TRIM31: variants seen among roughly 807,000 people sequenced by gnomAD.
TRIM31 encodes E3 ubiquitin-protein ligase TRIM31.
TRIM31 carries 31 observed loss-of-function variants against 40.6 expected under a neutral mutation model. That is an observed-to-expected ratio of 0.76 (90% CI 0.57 to 1.03). The LOEUF is 1.03. TRIM31 is among the 50% of genes least tolerant of loss of function. The pLI is 0.00. For missense variants in TRIM31, 455 were observed against 497.5 expected (o/e 0.91, Z 0.81); for synonymous variants, 164 against 193.9 (o/e 0.85, Z 1.28).
In TRIM31 at chr6:30,108,118, T is replaced by G; in HGVS notation, c.818A>C (p.Glu273Ala). The G allele has an allele frequency of 6.2e-7, 1 of 1,612,260 alleles. No homozygotes were observed. Among genetic ancestry groups the G allele is most frequent in the Non-Finnish European group, 8.5e-7 (1 of 1,179,294 alleles). The change falls in exon 6 of 9, where the codon GAG becomes GCG. Residue 273 changes from glutamate (E) to alanine (A), a missense_variant. Physicochemically the swap from Glu to Ala is moderately radical, Grantham distance 107. Transcript: ENST00000376734. ...LNPTPVPLELEKKLSEAKSRH... is the reference protein window; with the variant it reads ...LNPTPVPLELAKKLSEAKSRH... Reference sequence around the variant, plus strand: ...TGATTTTGCTTCACTGAGTTTTTTCTCCAGTTCCAGAGGAACAGGGGTTGG... The same window carrying G: ...TGATTTTGCTTCACTGAGTTTTTTCGCCAGTTCCAGAGGAACAGGGGTTGG...
At chr6:30,112,353 T>C in intron 2 of TRIM31, 36 bp downstream of exon 2, 1 of 1,577,366 alleles carries the variant, frequency 6.3e-7, no homozygotes, top group South Asian at 1.2e-5. Flanking sequence ...ACTCCTGGGC[T>C]GATGGGGGAA....
intron 7 of TRIM31, 74 bp downstream of exon 7, chr6:30,105,094 A>G: frequency 5.2e-6 from 7 of 1,346,780 alleles, no homozygotes; most frequent in East Asian, 2.3e-5. Context: ...TCATGTAATC[A>G]TAGAGACACA....
intron 2 of TRIM31, chr6:30,112,142 T>G (rs1280351479): frequency 1.7e-6 from 1 of 572,384 alleles, no homozygotes; most frequent in African/African-American, 1.9e-5. Context: ...AAGACTGGGC[T>G]TGAGCCCAAA....
In TRIM31 at chr6:30,112,547, G is replaced by T; in HGVS notation, c.259C>A (p.Gln87Lys). The T allele has an allele frequency of 1.2e-6, 2 of 1,613,118 alleles. No individual in the cohort carries two copies. Among genetic ancestry groups the T allele is most frequent in the Non-Finnish European group, 1.7e-6 (2 of 1,180,054 alleles). Residue 87 changes from glutamine to lysine, a missense_variant, in exon 2 of 9, where the codon CAG becomes AAG. Transcript: ENST00000376734. ...KIQALQASEV[Q>K]SKRKEATCPR... is the part of the protein sequence containing the mutation. Reference sequence around the variant, plus strand: ...CATGTAGCCTCTTTCCTTTTGGACTGCACCTCAGAGGCTTGTAGAGCTTGG... The same window carrying T: ...CATGTAGCCTCTTTCCTTTTGGACTTCACCTCAGAGGCTTGTAGAGCTTGG...
Position 30,111,705 on chromosome 6 carries a change from C to T in TRIM31, c.456G>A (p.Lys152=), listed in dbSNP as rs759244387. ...CCTTCACTTGTACTGTCTCCTTCTC[C>T]TTTTGCTGCAAGACTTGGATCTGCT... The part of the protein sequence containing the change: ...IQEQIQVLQQ[K]EKETVQVKAQ... The change falls in exon 3 of 9, where the codon AAG becomes AAA. Residue 152 remains lysine, a synonymous_variant. Transcript: ENST00000376734. 6.2e-7 allele frequency: 1 copy of T among 1,614,200 alleles called. No homozygotes were observed. The highest frequency in any genetic ancestry group is 2.2e-5 in the East Asian group (1 of 44,878).
chr6:30,109,623 G>A (rs1769091731), intron 4 of TRIM31, among the ~76,000 whole-genome samples: 1 of 152,164 alleles, frequency 6.6e-6, no homozygotes, highest in Non-Finnish European at 1.5e-5. Flanking sequence ...GTTCACGCCT[G>A]TAATCCCAGC....
rs754609841 is a variant in TRIM31, at chr6:30,112,617, G to A, written c.189C>T (p.Asn63=). 42 of 1,612,970 alleles carry A rather than the reference G, an allele frequency of 2.6e-5. No homozygotes were observed. Among genetic ancestry groups the A allele is most frequent in the Admixed American group, 2.2e-4 (13 of 60,010 alleles). The change falls in exon 2 of 9, where the codon AAC becomes AAT. Residue 63 remains asparagine, a synonymous_variant. Transcript: ENST00000376734. ...GCAACAGCGAGTTGAACCTGATTGCGTTCTTCCTTACGGAAGTTTTGCAGA... is the reference window on the plus strand; with the variant it reads ...GCAACAGCGAGTTGAACCTGATTGCATTCTTCCTTACGGAAGTTTTGCAGA... ...CPLCKTSVRK[N]AIRFNSLLRN... is the part of the protein sequence containing the mutation.
intron 6 of TRIM31, among the ~76,000 whole-genome samples, chr6:30,106,757 T>C (rs993885263): frequency 6.6e-6 from 1 of 152,158 alleles, no homozygotes; most frequent in African/African-American, 2.4e-5. Flanking sequence ...GGCTCCTTTA[T>C]TGAAATTCCA....
chr6:30,112,941 T>C (rs552037161), intron 1 of TRIM31, 53 bp from the exon 2 acceptor site: 61 of 745,876 alleles, frequency 8.2e-5, no homozygotes, highest in Middle Eastern at 6.3e-4. Flanking sequence ...TTCTGCCAAT[T>C]AGTTAGAAGA....
intron 2 of TRIM31, 89 bp from the exon 3 acceptor site, chr6:30,111,832 C>A (rs1769362734): frequency 8.2e-7 from 1 of 1,219,552 alleles, no homozygotes; most frequent in Non-Finnish European, 1.2e-6. Flanking sequence ...GCTGGTGACA[C>A]TCTCCAGGTG....
chr6:30,107,362 G>T (rs977426438), intron 6 of TRIM31, among the ~76,000 whole-genome samples: 2 of 147,584 alleles, frequency 1.4e-5, no homozygotes, highest in Admixed American at 6.9e-5. Context: ...TGTATGGGGG[G>T]CTGGGGGTTG....
At chr6:30,103,812 A>AT in intron 8 of TRIM31, 23 bp from the exon 9 acceptor site, 6 of 1,611,854 alleles carry the variant, frequency 3.7e-6, no homozygotes, top group Non-Finnish European at 5.1e-6. Context: ...AGGAAAGGAG[A>AT]AAAGAGGTCA....
chr6:30,109,202 A>G (rs752226954), intron 4 of TRIM31, among the ~76,000 whole-genome samples, 154 bp from the exon 5 acceptor site: 15 of 152,120 alleles, frequency 9.9e-5, no homozygotes, highest in Non-Finnish European at 1.5e-4. Context: ...TCTCCCCACC[A>G]CGAAGGGCTT....
chr6:30,112,864 C>G lies in TRIM31; in HGVS notation c.-59G>C. 4.0e-6 allele frequency: 6 copies of G among 1,511,166 alleles called. No individual in the cohort carries two copies. In the South Asian group the frequency reaches 7.9e-5, roughly 20 times the overall value. 93.6% of individuals were successfully genotyped at this position (1,511,166 alleles called of 1,614,324 possible). A position where few individuals can be genotyped will look rare whatever the true frequency, so the allele number is the denominator to read the frequency against. On this transcript the variant is annotated 5_prime_UTR_variant, in exon 2 of 9. Coordinates refer to ENST00000376734, the MANE Select transcript of TRIM31 (RefSeq NM_007028.5). Reference sequence around the variant, plus strand: ...AAGCTGTGCCAAGTCTGTAGGAGCCCCGGAGTCCACTGTGGATACTGTTTC... The same window carrying G: ...AAGCTGTGCCAAGTCTGTAGGAGCCGCGGAGTCCACTGTGGATACTGTTTC...
At chr6:30,108,335 G>C in intron 5 of TRIM31, 167 bp from the exon 6 acceptor site, 2 of 587,874 alleles carry the variant, frequency 3.4e-6, no homozygotes, top group South Asian at 4.0e-5. Flanking sequence ...GAGGCGGGTG[G>C]ATCACCTGAG....
intron 3 of TRIM31, 172 bp downstream of exon 3, chr6:30,111,476 T>C (rs1769309875): frequency 3.2e-6 from 2 of 628,868 alleles, no homozygotes; most frequent in Non-Finnish European, 5.5e-6. Flanking sequence ...CCCGCTGTAA[T>C]AGCGAGGCCG....
At chr6:30,107,810 C>G in intron 6 of TRIM31, 1 of 458,362 alleles carries the variant, frequency 2.2e-6, no homozygotes, top group Non-Finnish European at 4.0e-6. Flanking sequence ...GGAATAGGTC[C>G]AGGCCCTCTA....
At chr6:30,107,266 C>G (rs956767146) in intron 6 of TRIM31, among the ~76,000 whole-genome samples, 3 of 148,150 alleles carry the variant, frequency 2.0e-5, no homozygotes, top group African/African-American at 7.5e-5. Context: ...TTATGTCTGC[C>G]GAGTGGAGAT....
Position 30,110,627 on chromosome 6 carries a change from G to T in TRIM31, c.565C>A (p.His189Asn). ...TTCTTCTCCTCCTCTAGGACTTGAT[G>T]CAGGAGTTCAAATTCTGTGAGGATC... ...QRILTEFELL[H>N]QVLEEEKNFL... Residue 189 changes from histidine (H) to asparagine (N), a missense_variant, in exon 4 of 9, where the codon CAT (histidine) becomes AAT (asparagine). Physicochemically the swap from His to Asn is moderately conservative, Grantham distance 68. Coordinates refer to ENST00000376734, the MANE Select transcript of TRIM31 (RefSeq NM_007028.5). The T allele has an allele frequency of 6.2e-7, 1 of 1,614,210 alleles. No homozygotes were observed. The highest frequency in any genetic ancestry group is 8.5e-7 in the Non-Finnish European group (1 of 1,180,042).
Sources: allele counts gnomAD v4.1 joint callset (sites outside exome capture counted in the v4.1 genomes callset), GRCh38; gene constraint gnomAD v4.1.1; transcripts MANE v1.5; gene names NCBI Gene and HGNC (gene_info 2026-07-23, HGNC 2026-07-21).